Variants in ABCB1 observed in about 807,000 individuals in gnomAD.
ABCB1 encodes the protein ATP binding cassette subfamily B member 1.
A neutral mutation model predicts 142.0 loss-of-function variants in ABCB1; 69 were observed. The ratio of observed to expected loss-of-function variants is 0.49; its 90% CI spans 0.40 to 0.59. The LOEUF (loss-of-function observed/expected upper bound fraction) is 0.59. Among genes scored for constraint, ABCB1 ranks in the 20% least tolerant of loss-of-function variants. The pLI is 0.00. For missense variants in ABCB1, 1,326 were observed against 1,554.7 expected (o/e 0.85, Z 2.47); for synonymous variants, 532 against 539.2 (o/e 0.99, Z 0.18).
intron 1 of ABCB1, chr7:87,709,242 A>G: frequency 1.0e-6 from 1 of 985,228 alleles, no homozygotes; most frequent in Non-Finnish European, 1.2e-6. Context: ...GTAACAGCAT[A>G]GTCTCCTGTG....
At chr7:87,607,255 A>G (rs1819689450) in intron 1 of ABCB1, among the ~76,000 whole-genome samples, 3 of 152,166 alleles carry the variant, frequency 2.0e-5, no homozygotes, top group African/African-American at 7.2e-5. Context: ...GGTATTTTTC[A>G]TAACTAAGCA....
chr7:87,537,761 T>C (rs1442283623), intron 19 of ABCB1, among the ~76,000 whole-genome samples: 1 of 152,152 alleles, frequency 6.6e-6, no homozygotes, highest in Non-Finnish European at 1.5e-5. Flanking sequence ...ACATTCAACA[T>C]AAAATAAGAT....
At chr7:87,515,204 C>G (rs746205498) in intron 25 of ABCB1, 27 bp downstream of exon 25, 2 of 1,611,878 alleles carry the variant, frequency 1.2e-6, no homozygotes, top group Non-Finnish European at 1.7e-6. Context: ...AAAACCTGAA[C>G]TGAGCTAAAT....
chr7:87,672,111 G>A (rs1278174155), intron 1 of ABCB1, among the ~76,000 whole-genome samples: 3 of 151,968 alleles, frequency 2.0e-5, no homozygotes, highest in Admixed American at 6.5e-5. Flanking sequence ...CAGAGATGGC[G>A]ACCTGCCTCT....
intron 1 of ABCB1, among the ~76,000 whole-genome samples, chr7:87,629,988 G>A (rs1312717122): frequency 6.6e-6 from 1 of 151,538 alleles, no homozygotes; most frequent in Non-Finnish European, 1.5e-5. Flanking sequence ...TTAACATGCT[G>A]ATATATTTTC....
At chr7:87,705,372 G>A (rs1585154550) in intron 1 of ABCB1, among the ~76,000 whole-genome samples, 1 of 152,190 alleles carries the variant, frequency 6.6e-6, no homozygotes, top group East Asian at 1.9e-4. Flanking sequence ...GTTGCAGTGA[G>A]CCGAGATCAT....
chr7:87,673,509 T>A (rs1265625915), intron 1 of ABCB1, among the ~76,000 whole-genome samples: 1 of 152,250 alleles, frequency 6.6e-6, no homozygotes, highest in African/African-American at 2.4e-5. Flanking sequence ...GAATCTGCTA[T>A]TAATACTTGT....
At chr7:87,538,225 T>G (rs1816380624) in intron 19 of ABCB1, among the ~76,000 whole-genome samples, 1 of 152,128 alleles carries the variant, frequency 6.6e-6, no homozygotes, top group Non-Finnish European at 1.5e-5. Context: ...TAATGGGAAA[T>G]TTGGCCCTGG....
chr7:87,527,218 T>C (rs1815821442), intron 21 of ABCB1, among the ~76,000 whole-genome samples: 1 of 152,158 alleles, frequency 6.6e-6, no homozygotes, highest in Non-Finnish European at 1.5e-5. Context: ...TGATCCTTAA[T>C]CTTACTTTTA....
intron 1 of ABCB1, among the ~76,000 whole-genome samples, chr7:87,706,887 T>G (rs1396878941): frequency 6.6e-6 from 1 of 152,126 alleles, no homozygotes; most frequent in Non-Finnish European, 1.5e-5. Context: ...AGGGAAGAGG[T>G]AAAACTGCTG....
At chr7:87,700,026 G>C (rs1459953069) in intron 1 of ABCB1, among the ~76,000 whole-genome samples, 2 of 151,828 alleles carry the variant, frequency 1.3e-5, no homozygotes, top group African/African-American at 2.4e-5. Flanking sequence ...TTTTTAAATA[G>C]AGAAAGGTTT....
rs192403611 is a variant in ABCB1 at position 87,702,100 on chromosome 7, G to A, written c.-331+11061C>T. On this transcript the variant is annotated intron_variant, in intron 1 of 28. Coordinates refer to the ABCB1 transcript ENST00000265724. ...GGAGCTTGCAGTGAGCAGAGATCGC[G>A]CCACTGCACTCCAGCCTGGGCAAAA... 3.2e-3 allele frequency among the ~76,000 whole-genome samples: 366 copies of A among 114,414 alleles called. 2 individuals carry two copies. In the East Asian group the frequency reaches 0.058, roughly 18 times the overall value. The allele number at this position is 114,414 out of a possible 152,430, so 75.1% of individuals were successfully genotyped here.
At chr7:87,689,189 GTCT>G (rs1318650478) in intron 1 of ABCB1, among the ~76,000 whole-genome samples, 1 of 151,990 alleles carries the variant, frequency 6.6e-6, no homozygotes, top group Non-Finnish European at 1.5e-5. Context: ...TTTTTTGAAT[GTCT>G]TCTTTATAAT....
chr7:87,673,303 C>T (rs1273907044), intron 1 of ABCB1, among the ~76,000 whole-genome samples: 1 of 152,198 alleles, frequency 6.6e-6, no homozygotes, highest in Non-Finnish European at 1.5e-5. Context: ...TTGTTATCCT[C>T]AAATATGTTT....
At chr7:87,527,513 G>GT (rs770306203) in intron 21 of ABCB1, among the ~76,000 whole-genome samples, 40 of 152,148 alleles carry the variant, frequency 2.6e-4, no homozygotes, top group Non-Finnish European at 4.3e-4. Context: ...TCTATAGTAT[G>GT]TATCAAGCAG....
chr7:87,558,214 C>A lies in ABCB1; in HGVS notation c.827+3049G>T, dbSNP rs558023233. ...ATAGCAGAAGCAAACATAAATCCTG[C>A]CTGATAGAATTGGACTTCAATCCAG... On this transcript the variant is annotated intron_variant, in intron 8 of 27. Transcript: ENST00000622132. 5.7e-4 allele frequency among the ~76,000 whole-genome samples: 87 copies of A among 152,290 alleles called. No homozygotes were observed. The South Asian group carries it at 5.8e-3, about 10-fold the overall frequency.
At chr7:87,678,970 T>C (rs1212116708) in intron 1 of ABCB1, among the ~76,000 whole-genome samples, 1 of 151,942 alleles carries the variant, frequency 6.6e-6, no homozygotes. Context: ...ATCTACATTA[T>C]ACTTAGCAAT....
intron 3 of ABCB1, among the ~76,000 whole-genome samples, chr7:87,594,865 A>C (rs1324024173): frequency 1.3e-5 from 2 of 152,144 alleles, no homozygotes; most frequent in Non-Finnish European, 2.9e-5. Context: ...TTTGCAAGAC[A>C]ATCTATCCAC....
Position 87,616,596 on chromosome 7 carries a change from T to A in ABCB1, c.-330-15518A>T, listed in dbSNP as rs375430075. Among the ~76,000 whole-genome samples, 7 of 152,334 alleles carry A rather than the reference T, an allele frequency of 4.6e-5. No homozygotes were observed. The East Asian group carries it at 1.3e-3, about 29-fold the overall frequency. On this transcript the variant is annotated intron_variant, in intron 1 of 28. Transcript: ENST00000265724. ...CACATCATGCCCTAAGAGTTTCGTT[T>A]ATGATCATGGTATCTCCCCACCAGG... is the stretch of plus-strand genomic sequence containing the variant.
Sources: allele counts gnomAD v4.1 joint callset (sites outside exome capture counted in the v4.1 genomes callset), GRCh38; gene constraint gnomAD v4.1.1; transcripts MANE v1.5; gene names NCBI Gene and HGNC (gene_info 2026-07-23, HGNC 2026-07-21).